The following PTPRD variants were observed in gnomAD, a reference collection of about 807,000 sequenced individuals.
PTPRD encodes the protein protein tyrosine phosphatase receptor type D, also known as receptor-type tyrosine-protein phosphatase delta.
A neutral mutation model predicts 214.5 loss-of-function variants in PTPRD; 34 were observed. The ratio of observed to expected loss-of-function variants is 0.16; its 90% CI spans 0.12 to 0.21. The LOEUF (loss-of-function observed/expected upper bound fraction) is 0.21. Among genes scored for constraint, PTPRD ranks in the 10% least tolerant of loss-of-function variants. The pLI is 1.00. For synonymous variants in PTPRD, 1,128 were observed against 845.7 expected, an observed-to-expected ratio of 1.33 and a Z score of -5.79; for missense variants, 2,545 against 2,398.7, an observed-to-expected ratio of 1.06 and a Z score of -1.27.
chr9:9,741,629 C>T (rs1402936894), intron 6 of PTPRD, among the ~76,000 whole-genome samples: 1 of 152,142 alleles, frequency 6.6e-6, no homozygotes, highest in Non-Finnish European at 1.5e-5. Flanking sequence ...TGACAGGCCC[C>T]AGTGTGTGAT....
chr9:9,761,755 T>C (rs529226420), intron 6 of PTPRD, among the ~76,000 whole-genome samples: 3 of 152,158 alleles, frequency 2.0e-5, no homozygotes, highest in South Asian at 4.1e-4. Flanking sequence ...CTATTCATTA[T>C]CATTCCATCA....
chr9:9,373,825 T>C (rs1208739618), intron 9 of PTPRD, among the ~76,000 whole-genome samples: 1 of 152,170 alleles, frequency 6.6e-6, no homozygotes, highest in Non-Finnish European at 1.5e-5. Context: ...GGGGACTTTT[T>C]TCAGCCCAGC....
chr9:9,954,829 C>G (rs200092925), intron 4 of PTPRD, among the ~76,000 whole-genome samples: 2 of 152,040 alleles, frequency 1.3e-5, no homozygotes, highest in Non-Finnish European at 2.9e-5. Context: ...AATTTTCCTT[C>G]AAATGGCTAT....
At chr9:10,232,225 T>C (rs2099613954) in intron 3 of PTPRD, among the ~76,000 whole-genome samples, 1 of 151,862 alleles carries the variant, frequency 6.6e-6, no homozygotes, top group Non-Finnish European at 1.5e-5. Flanking sequence ...CCTTTTTTCC[T>C]TTATAAGTTT....
At chr9:9,347,256 G>C (rs2049201521) in intron 9 of PTPRD, among the ~76,000 whole-genome samples, 1 of 151,556 alleles carries the variant, frequency 6.6e-6, no homozygotes, top group African/African-American at 2.4e-5. Flanking sequence ...TATTGATGCA[G>C]TTATTTATCT....
At chr9:10,006,462 A>G (rs1268722772) in intron 4 of PTPRD, among the ~76,000 whole-genome samples, 1 of 151,864 alleles carries the variant, frequency 6.6e-6, no homozygotes, top group Non-Finnish European at 1.5e-5. Context: ...ATTCTTTATG[A>G]TCTAGTCCAT....
chr9:8,928,780 G>A (rs2098923109), intron 11 of PTPRD, among the ~76,000 whole-genome samples: 1 of 152,112 alleles, frequency 6.6e-6, no homozygotes, highest in Non-Finnish European at 1.5e-5. Context: ...ATTACTTGAG[G>A]TAATATGGCC....
At chr9:8,697,935 G>A (rs932918379) in intron 12 of PTPRD, among the ~76,000 whole-genome samples, 1 of 152,118 alleles carries the variant, frequency 6.6e-6, no homozygotes, top group African/African-American at 2.4e-5. Flanking sequence ...CCATAGTGCA[G>A]AAACAACTTA....
chr9:9,731,339 T>C (rs1166536079), intron 7 of PTPRD, among the ~76,000 whole-genome samples: 1 of 152,166 alleles, frequency 6.6e-6, no homozygotes, highest in Non-Finnish European at 1.5e-5. Context: ...CTCAGTTTTG[T>C]AGAGTGTATC....
intron 4 of PTPRD, among the ~76,000 whole-genome samples, chr9:9,991,802 A>G (rs1407112080): frequency 1.3e-5 from 2 of 151,434 alleles, no homozygotes; most frequent in African/African-American, 4.9e-5. Context: ...GACAATTCCA[A>G]TAACAAATGT....
At chr9:9,184,511 C>T (rs1283408844) in intron 9 of PTPRD, among the ~76,000 whole-genome samples, 1 of 152,078 alleles carries the variant, frequency 6.6e-6, no homozygotes, top group South Asian at 2.1e-4. Flanking sequence ...CTAATAAGGT[C>T]TATTCACAGT....
Position 8,375,977 on chromosome 9 carries a change from G to T in PTPRD, c.4620C>A (p.Thr1540=). The T allele has an allele frequency of 6.2e-7, 1 of 1,612,910 alleles. No individual in the cohort carries two copies. The highest frequency in any genetic ancestry group is 8.5e-7 in the Non-Finnish European group (1 of 1,179,242). ...TCGGACCAGCATCGGGAGGGTTACAGGTTTTGACTCTACGTAAGAAAGCTA... is the reference window on the plus strand; with the variant it reads ...TCGGACCAGCATCGGGAGGGTTACATGTTTTGACTCTACGTAAGAAAGCTA... ...PFLAFLRRVK[T]CNPPDAGPMV... The change falls in exon 39 of 46, where the codon ACC becomes ACA. Residue 1540 remains threonine (T), a synonymous_variant. Coordinates refer to ENST00000381196, the MANE Select transcript of PTPRD (RefSeq NM_002839.4).
At chr9:9,856,171 T>C (rs2061516508) in intron 5 of PTPRD, among the ~76,000 whole-genome samples, 1 of 152,180 alleles carries the variant, frequency 6.6e-6, no homozygotes, top group African/African-American at 2.4e-5. Flanking sequence ...ACCGTCAAGC[T>C]GTCCCTCTGA....
chr9:8,839,046 T>G (rs1315531798), intron 11 of PTPRD, among the ~76,000 whole-genome samples: 1 of 152,072 alleles, frequency 6.6e-6, no homozygotes, highest in African/African-American at 2.4e-5. Flanking sequence ...GCAAAGTTTG[T>G]TACATTTGTT....
At chr9:9,706,326 A>C (rs918473440) in intron 7 of PTPRD, among the ~76,000 whole-genome samples, 3 of 152,180 alleles carry the variant, frequency 2.0e-5, no homozygotes, top group Non-Finnish European at 4.4e-5. Context: ...TCATACGTAC[A>C]TTGATTTATT....
At chr9:9,441,069 T>G (rs1175045067) in intron 8 of PTPRD, among the ~76,000 whole-genome samples, 1 of 152,156 alleles carries the variant, frequency 6.6e-6, no homozygotes, top group Non-Finnish European at 1.5e-5. Flanking sequence ...CTTTATATCA[T>G]TATCTCAACC....
intron 27 of PTPRD, among the ~76,000 whole-genome samples, chr9:8,491,743 G>T (rs546804555): frequency 6.6e-6 from 1 of 151,872 alleles, no homozygotes; most frequent in South Asian, 2.1e-4. Context: ...GGCAATTCCA[G>T]GTGGCAGGAT....
intron 2 of PTPRD, among the ~76,000 whole-genome samples, chr9:10,361,319 G>A (rs1000576072): frequency 1.3e-5 from 2 of 152,164 alleles, no homozygotes; most frequent in African/African-American, 4.8e-5. Flanking sequence ...AGAGAAAAGA[G>A]TGAAAAATGC....
intron 35 of PTPRD, among the ~76,000 whole-genome samples, chr9:8,435,669 T>A (rs907610609): frequency 6.6e-6 from 1 of 151,570 alleles, no homozygotes; most frequent in Admixed American, 6.6e-5. Context: ...GTTTTATAAC[T>A]TTTTGATTGA....
Sources: allele counts gnomAD v4.1 joint callset (sites outside exome capture counted in the v4.1 genomes callset), GRCh38; gene constraint gnomAD v4.1.1; transcripts MANE v1.5; gene names NCBI Gene and HGNC (gene_info 2026-07-23, HGNC 2026-07-21).